IGFL4: variants seen among roughly 807,000 people sequenced by gnomAD.
The protein encoded by IGFL4 is IGF like family member 4.
Under a neutral mutation model 15.4 loss-of-function variants are expected in IGFL4, and 12 were observed. The observed-to-expected ratio is 0.78, with a 90% CI of 0.50 to 1.26. The LOEUF (loss-of-function observed/expected upper bound fraction) is 1.26, where lower values mean the gene tolerates loss of function less well. IGFL4 is among the 50% of genes most tolerant of loss of function. The pLI, the probability that IGFL4 is intolerant of heterozygous loss-of-function variation, is 0.00. For missense variants in IGFL4, 126 were observed against 147.8 expected (o/e 0.85, Z 0.76); for synonymous variants, 54 against 55.9 (o/e 0.97, Z 0.16).
chr19:46,056,674 C>T (rs1341612372), intron 2 of IGFL4, among the ~76,000 whole-genome samples: 1 of 152,216 alleles, frequency 6.6e-6, no homozygotes, highest in Non-Finnish European at 1.5e-5. Context: ...GAGGAGGAGT[C>T]AGGAATCAAA....
chr19:46,075,520 G>A (rs1187489994), intron 1 of IGFL4, among the ~76,000 whole-genome samples: 1 of 152,150 alleles, frequency 6.6e-6, no homozygotes. Flanking sequence ...TGGAATTTGT[G>A]TGATTTTTCC....
upstream of IGFL4, among the ~76,000 whole-genome samples, chr19:46,043,594 TA>T (rs1969268723): frequency 1.3e-5 from 2 of 152,184 alleles, no homozygotes; most frequent in South Asian, 2.1e-4. Context: ...AGTGGAGAGA[TA>T]CATAGATCAA....
chr19:46,069,747 T>C (rs1969527866), intron 1 of IGFL4, among the ~76,000 whole-genome samples: 1 of 152,248 alleles, frequency 6.6e-6, no homozygotes, highest in African/African-American at 2.4e-5. Context: ...CTGCAACAAA[T>C]ATTCTTGTAT....
chr19:46,046,338 C>G (rs993645239), intron 2 of IGFL4, among the ~76,000 whole-genome samples: 3 of 152,118 alleles, frequency 2.0e-5, no homozygotes, highest in African/African-American at 7.2e-5. Flanking sequence ...CACTATGAAG[C>G]AACCAACAAA....
At chr19:46,056,787 G>A (rs1035961090) in intron 2 of IGFL4, among the ~76,000 whole-genome samples, 1 of 152,220 alleles carries the variant, frequency 6.6e-6, no homozygotes, top group Non-Finnish European at 1.5e-5. Flanking sequence ...AGACAGAAAT[G>A]GAGCCCATTA....
chr19:46,076,188 C>T (rs1326397053), intron 1 of IGFL4, among the ~76,000 whole-genome samples: 2 of 152,188 alleles, frequency 1.3e-5, no homozygotes, highest in Non-Finnish European at 2.9e-5. Context: ...GAGGAGCCTT[C>T]GTGACCTAAT....
At chr19:46,046,497 C>T (rs1159671278) in intron 2 of IGFL4, among the ~76,000 whole-genome samples, 2 of 152,222 alleles carry the variant, frequency 1.3e-5, no homozygotes, top group African/African-American at 4.8e-5. Context: ...CATTGATATA[C>T]TGTCTTCGAG....
chr19:46,041,039 G>A, upstream of IGFL4: 1 of 1,359,338 alleles, frequency 7.4e-7, no homozygotes, highest in South Asian at 1.4e-5. Flanking sequence ...GCTTATATAG[G>A]ATATGAACTT....
At chr19:46,074,959 C>G (rs1019680800) in intron 1 of IGFL4, among the ~76,000 whole-genome samples, 7 of 152,188 alleles carry the variant, frequency 4.6e-5, no homozygotes, top group Admixed American at 6.5e-5. Context: ...TTCTACTGGT[C>G]AAGGAAGTCA....
At chr19:46,075,823 A>C (rs1232771561) in intron 1 of IGFL4, among the ~76,000 whole-genome samples, 2 of 152,064 alleles carry the variant, frequency 1.3e-5, no homozygotes, top group African/African-American at 4.8e-5. Context: ...ATTACTTCGA[A>C]TTCTTCTGTA....
intron 1 of IGFL4, among the ~76,000 whole-genome samples, chr19:46,065,544 T>C (rs1326991343): frequency 2.6e-5 from 4 of 152,208 alleles, no homozygotes; most frequent in Non-Finnish European, 2.9e-5. Context: ...CTTGACCTTG[T>C]GATCTGCCTG....
upstream of IGFL4, among the ~76,000 whole-genome samples, chr19:46,041,676 T>A (rs540607798): frequency 2.0e-5 from 3 of 151,982 alleles, no homozygotes; most frequent in East Asian, 5.8e-4. Flanking sequence ...ATGTGGCGTA[T>A]TTTTAGAGCA....
At chr19:46,068,390 A>G (rs1280237137) in intron 1 of IGFL4, among the ~76,000 whole-genome samples, 1 of 152,254 alleles carries the variant, frequency 6.6e-6, no homozygotes, top group Non-Finnish European at 1.5e-5. Context: ...GGAATCCAAC[A>G]TAAAACAAGA....
chr19:46,076,576 AGTTCTT>A (rs1169037974), intron 1 of IGFL4, among the ~76,000 whole-genome samples: 1 of 151,574 alleles, frequency 6.6e-6, no homozygotes, highest in East Asian at 1.9e-4. Flanking sequence ...CCGTGGTTCT[AGTTCTT>A]CCTTGATCCT....
chr19:46,061,638 C>A (rs1327780402), intron 1 of IGFL4, among the ~76,000 whole-genome samples: 1 of 152,142 alleles, frequency 6.6e-6, no homozygotes, highest in Non-Finnish European at 1.5e-5. Context: ...GGTCCTGGAT[C>A]CCCAAAAGAA....
intron 2 of IGFL4, among the ~76,000 whole-genome samples, chr19:46,049,090 C>T (rs1485118435): frequency 1.3e-5 from 2 of 152,188 alleles, no homozygotes; most frequent in East Asian, 1.9e-4. Context: ...TGATCAATGC[C>T]TCCTGGTCTC....
chr19:46,055,088 T>C (rs906890459), intron 2 of IGFL4, among the ~76,000 whole-genome samples: 15 of 152,186 alleles, frequency 9.9e-5, no homozygotes, highest in Admixed American at 5.9e-4. Context: ...ATATGTCCCC[T>C]ATGAACCATG....
chr19:46,072,730 G>A (rs1253953842), intron 1 of IGFL4, among the ~76,000 whole-genome samples: 1 of 152,194 alleles, frequency 6.6e-6, no homozygotes, highest in East Asian at 1.9e-4. Context: ...CTCACAACTG[G>A]TCAGTTTGAA....
chr19:46,063,301 T>C (rs2146524467), intron 1 of IGFL4, among the ~76,000 whole-genome samples: 1 of 151,414 alleles, frequency 6.6e-6, no homozygotes, highest in East Asian at 1.9e-4. Flanking sequence ...CTCCCTTTTC[T>C]CTATTCAAAA....
Sources: allele counts gnomAD v4.1 joint callset (sites outside exome capture counted in the v4.1 genomes callset), GRCh38; gene constraint gnomAD v4.1.1; transcripts MANE v1.5; gene names NCBI Gene and HGNC (gene_info 2026-07-23, HGNC 2026-07-21).